GPC5: variants seen among roughly 807,000 people sequenced by gnomAD.
The protein encoded by GPC5 is glypican 5.
Under a neutral mutation model 53.9 loss-of-function variants are expected in GPC5, and 47 were observed. The observed-to-expected ratio is 0.87, with a 90% confidence interval of 0.69 to 1.11. The LOEUF (loss-of-function observed/expected upper bound fraction) is 1.11. Among genes scored for constraint, GPC5 ranks in the 50% most tolerant of loss-of-function variants. GPC5 has a pLI of 0.00. For missense variants in GPC5, 748 were observed against 713.1 expected (o/e 1.05, Z -0.56); for synonymous variants, 286 against 263.3 (o/e 1.09, Z -0.84).
intron 7 of GPC5, among the ~76,000 whole-genome samples, chr13:92,251,512 G>C (rs2042692624): frequency 1.3e-5 from 2 of 152,026 alleles, no homozygotes; most frequent in Non-Finnish European, 2.9e-5. Context: ...CTGAGGTAGG[G>C]GAAAGAGTGG....
chr13:92,359,957 T>A (rs1016866868), intron 7 of GPC5, among the ~76,000 whole-genome samples: 2 of 151,758 alleles, frequency 1.3e-5, no homozygotes, highest in African/African-American at 4.9e-5. Flanking sequence ...TAAATTTGTG[T>A]CTTATAGGTG....
chr13:92,645,923 A>G (rs1400826870), intron 7 of GPC5, among the ~76,000 whole-genome samples: 2 of 151,930 alleles, frequency 1.3e-5, no homozygotes, highest in Non-Finnish European at 2.9e-5. Flanking sequence ...TCTGGATACA[A>G]ATTCCTTTTC....
intron 5 of GPC5, among the ~76,000 whole-genome samples, chr13:91,833,323 G>C (rs1309966326): frequency 1.3e-5 from 2 of 152,088 alleles, no homozygotes. Context: ...GTACAAAGAA[G>C]AGCTGGTACC....
chr13:92,160,476 A>G (rs1228633957), intron 7 of GPC5, among the ~76,000 whole-genome samples: 2 of 152,234 alleles, frequency 1.3e-5, no homozygotes, highest in Non-Finnish European at 2.9e-5. Flanking sequence ...ATTTCCTCCC[A>G]AATTCCAGAG....
At chr13:91,485,814 A>G (rs1160048289) in intron 2 of GPC5, 1 of 152,252 alleles carries the variant, frequency 6.6e-6, no homozygotes, top group East Asian at 1.9e-4. Context: ...GCACAGACAG[A>G]TAAGTTGTAG....
intron 1 of GPC5, among the ~76,000 whole-genome samples, chr13:91,423,271 C>T (rs1194512987): frequency 6.6e-6 from 1 of 152,070 alleles, no homozygotes; most frequent in Non-Finnish European, 1.5e-5. Context: ...GGGCTCATGT[C>T]TCAGCTTTTT....
At chr13:92,487,259 C>A (rs1436391009) in intron 7 of GPC5, among the ~76,000 whole-genome samples, 9 of 152,198 alleles carry the variant, frequency 5.9e-5, no homozygotes, top group Admixed American at 5.9e-4. Flanking sequence ...GAGGAGAATT[C>A]CCTAAGGTGA....
At chr13:91,469,587 T>A (rs1304633245) in intron 2 of GPC5, among the ~76,000 whole-genome samples, 5 of 152,116 alleles carry the variant, frequency 3.3e-5, no homozygotes, top group African/African-American at 1.2e-4. Context: ...TTTCAAAAAT[T>A]TGTTTAAAAT....
chr13:92,638,527 C>T (rs1316773759), intron 7 of GPC5, among the ~76,000 whole-genome samples: 5 of 151,226 alleles, frequency 3.3e-5, no homozygotes, highest in African/African-American at 1.2e-4. Flanking sequence ...AGGGCTCTTC[C>T]CCCCATCCCA....
At chr13:91,596,194 C>A (rs1157394359) in intron 2 of GPC5, among the ~76,000 whole-genome samples, 1 of 151,908 alleles carries the variant, frequency 6.6e-6, no homozygotes, top group Admixed American at 6.6e-5. Context: ...AGCAATGTAT[C>A]TTTTTGATAT....
rs144100677 is a variant in GPC5, at chr13:92,595,451, G to A, written c.1562-270831G>A. Reference sequence around the variant, plus strand: ...GTAAACCTACAATTATGAGTTGTGCGTAGACCTTCTCTGGAAGTCAAAAGA... The same window carrying A: ...GTAAACCTACAATTATGAGTTGTGCATAGACCTTCTCTGGAAGTCAAAAGA... On this transcript the variant is annotated intron_variant, in intron 7 of 7. Transcript: ENST00000377067. 4.9e-3 allele frequency among the ~76,000 whole-genome samples: 747 copies of A among 152,256 alleles called. 4 individuals are homozygous for A. The highest frequency in any genetic ancestry group is 8.5e-3 in the African/African-American group (353 of 41,540).
At chr13:92,374,337 G>A (rs984312585) in intron 7 of GPC5, among the ~76,000 whole-genome samples, 7 of 152,050 alleles carry the variant, frequency 4.6e-5, no homozygotes, top group Non-Finnish European at 1.0e-4. Context: ...GCAGTAATGG[G>A]AGACTCTGAT....
At chr13:92,809,480 T>C (rs1877215615) in intron 7 of GPC5, among the ~76,000 whole-genome samples, 1 of 152,144 alleles carries the variant, frequency 6.6e-6, no homozygotes, top group Non-Finnish European at 1.5e-5. Context: ...TTAAATGACT[T>C]GTCCAGGGTA....
chr13:92,299,065 G>T (rs2043058008), intron 7 of GPC5, among the ~76,000 whole-genome samples: 1 of 151,940 alleles, frequency 6.6e-6, no homozygotes, highest in South Asian at 2.1e-4. Flanking sequence ...ATAAAATTTT[G>T]GTTTTCAGTG....
chr13:92,647,962 A>G (rs1186588725), intron 7 of GPC5, among the ~76,000 whole-genome samples: 1 of 152,102 alleles, frequency 6.6e-6, no homozygotes, highest in Non-Finnish European at 1.5e-5. Flanking sequence ...TATGATTTAC[A>G]TGGTACTGCA....
chr13:91,860,490 C>CTCTCTCTT (rs767991037), intron 5 of GPC5, among the ~76,000 whole-genome samples: 2 of 98,732 alleles, frequency 2.0e-5, no homozygotes, highest in East Asian at 4.1e-4. Flanking sequence ...TCCTTCCTTC[C>CTCTCTCTT]TCTTTCTTTC....
intron 2 of GPC5, among the ~76,000 whole-genome samples, chr13:91,689,052 C>CA (rs2035684139): frequency 6.6e-6 from 1 of 150,824 alleles, no homozygotes; most frequent in Non-Finnish European, 1.5e-5. Context: ...CCTGTAGTCC[C>CA]AGCTACTTGG....
intron 7 of GPC5, among the ~76,000 whole-genome samples, chr13:92,319,373 G>A (rs1461425986): frequency 1.4e-5 from 2 of 138,418 alleles, no homozygotes; most frequent in African/African-American, 2.7e-5. Flanking sequence ...TGGGGCCAAT[G>A]TATTTTTTTT....
At chr13:92,047,356 T>C (rs1256298154) in intron 6 of GPC5, among the ~76,000 whole-genome samples, 1 of 151,864 alleles carries the variant, frequency 6.6e-6, no homozygotes, top group Non-Finnish European at 1.5e-5. Context: ...TAATGAAAAA[T>C]GTACCCAGAA....
Sources: gnomAD v4.1 joint callset for allele counts (sites outside exome capture counted in the v4.1 genomes callset) on GRCh38, gnomAD v4.1.1 for gene constraint, MANE v1.5 for transcripts, NCBI Gene and HGNC (gene_info 2026-07-23, HGNC 2026-07-21) for gene names.